The following SRL variants were observed in gnomAD, a reference collection of about 807,000 sequenced individuals.
SRL encodes sarcalumenin.
A neutral mutation model predicts 39.5 loss-of-function variants in SRL; 23 were observed. The observed-to-expected ratio is 0.58, with a 90% CI of 0.42 to 0.82. The LOEUF (loss-of-function observed/expected upper bound fraction) is 0.82. SRL is among the 40% of genes least tolerant of loss of function. The probability of loss-of-function intolerance (pLI) is 0.00; values close to 1 mark genes in which losing one functional copy is unlikely to be tolerated. For missense variants in SRL, 592 were observed against 607.8 expected, an observed-to-expected ratio of 0.97 and a Z score of 0.27; for synonymous variants, 272 against 237.4, an observed-to-expected ratio of 1.15 and a Z score of -1.34.
At chr16:4,230,681 C>T (rs967241574) in intron 1 of SRL, among the ~76,000 whole-genome samples, 1 of 152,020 alleles carries the variant, frequency 6.6e-6, no homozygotes, top group African/African-American at 2.4e-5. Flanking sequence ...AGCCACCACA[C>T]CCAGGAAGAA....
intron 1 of SRL, among the ~76,000 whole-genome samples, chr16:4,218,775 T>G (rs536051849): frequency 1.3e-3 from 197 of 152,292 alleles, no homozygotes; most frequent in African/African-American, 4.5e-3. Flanking sequence ...CTCCTACAAC[T>G]GCCAGGAAGA....
At chr16:4,226,198 CTAA>C (rs2052586255) in intron 1 of SRL, among the ~76,000 whole-genome samples, 2 of 152,214 alleles carry the variant, frequency 1.3e-5, no homozygotes, top group African/African-American at 4.8e-5. Context: ...CTACCACCTT[CTAA>C]TAATCTACAT....
chr16:4,221,829 T>C (rs2052534376), intron 1 of SRL, among the ~76,000 whole-genome samples: 1 of 152,178 alleles, frequency 6.6e-6, no homozygotes, highest in Non-Finnish European at 1.5e-5. Flanking sequence ...TTCTGGTGTT[T>C]GCCAGCAACT....
chr16:4,240,762 G>A (rs921565352), intron 1 of SRL, among the ~76,000 whole-genome samples: 2 of 152,160 alleles, frequency 1.3e-5, no homozygotes, highest in Non-Finnish European at 2.9e-5. Flanking sequence ...GCACAGGAGC[G>A]GCCACGAAGG....
chr16:4,238,165 T>G (rs575907535), intron 1 of SRL, among the ~76,000 whole-genome samples: 1 of 152,226 alleles, frequency 6.6e-6, no homozygotes, highest in Non-Finnish European at 1.5e-5. Flanking sequence ...TATGCTGCGA[T>G]GAGGCCTGGA....
rs201156612 is a variant in SRL at position 4,203,261 on chromosome 16, G to A, written c.164C>T (p.Ala55Val). ...NEDKPSDDYS[A>V]VLQRLRKIYH... ...GATCTTCCGAAGCCGCTGCAGCACC[G>A]CTGGAGACAGAGAGGGCCGGGGGAA... The change falls in exon 3 of 6, where the codon GCG (alanine) becomes GTG (valine). Residue 55 changes from alanine (A) to valine (V), a missense_variant and splice_region_variant. Transcript: ENST00000399609. 33 of 1,613,626 alleles carry A rather than the reference G, an allele frequency of 2.0e-5. No homozygotes were observed. The East Asian group carries it at 3.3e-4, about 16-fold the overall frequency.
intron 1 of SRL, chr16:4,207,729 G>A (rs867149365): frequency 4.1e-5 from 17 of 414,142 alleles, no homozygotes; most frequent in Middle Eastern, 3.5e-4. Flanking sequence ...ACTGGGCTCC[G>A]GCCACTCCTC....
intron 1 of SRL, among the ~76,000 whole-genome samples, chr16:4,209,109 C>G (rs1009137311): frequency 2.0e-5 from 3 of 152,196 alleles, no homozygotes; most frequent in African/African-American, 7.2e-5. Context: ...CCCATCTCTA[C>G]TAAAAATATG....
At chr16:4,224,259 A>G (rs1365506767) in intron 1 of SRL, among the ~76,000 whole-genome samples, 8 of 152,204 alleles carry the variant, frequency 5.3e-5, no homozygotes, top group Non-Finnish European at 4.4e-5. Flanking sequence ...CATTAGTAAT[A>G]AAACAGAAGA....
At chr16:4,221,043 C>G (rs561161734) in intron 1 of SRL, among the ~76,000 whole-genome samples, 4 of 148,098 alleles carry the variant, frequency 2.7e-5, no homozygotes, top group African/African-American at 9.9e-5. Flanking sequence ...GGACCATGGG[C>G]TATTCCATTA....
intron 1 of SRL, among the ~76,000 whole-genome samples, chr16:4,229,326 C>G (rs1046412277): frequency 8.6e-5 from 13 of 152,040 alleles, no homozygotes; most frequent in African/African-American, 3.1e-4. Flanking sequence ...GACCTGTAGT[C>G]CCAGCTACTT....
In SRL at chr16:4,192,200, T is replaced by C. The variant is rs375129285; in HGVS notation, c.1375A>G (p.Lys459Glu). Residue 459 changes from lysine (K) to glutamate (E), a missense_variant, in exon 6 of 6, where the codon AAA (lysine) becomes GAA (glutamate). By Grantham distance (56) the Lys-to-Glu change is moderately conservative (BLOSUM62 1). Transcript: ENST00000399609. This position sits in a 1 kb window ranked among gnomAD's most constrained non-coding sequence, Gnocchi z 4.0. ...TTTGGTGTTTCGCTACACCCTGTTT[T>C]GTCACAGTTGAGAGCACCTGGATTC... ...GKNPGALNCD[K>E]TGCSETPKNR... 1.9e-6 allele frequency: 3 copies of C among 1,585,512 alleles called. No homozygotes were observed. Among genetic ancestry groups the C allele is most frequent in the African/African-American group, 2.7e-5 (2 of 73,712 alleles).
intron 1 of SRL, among the ~76,000 whole-genome samples, chr16:4,239,337 G>A (rs2052746781): frequency 6.6e-6 from 1 of 152,192 alleles, no homozygotes; most frequent in African/African-American, 2.4e-5. Context: ...GTGGGGCCAG[G>A]GCAGATGGGC....
At chr16:4,240,823 C>T (rs919568936) in intron 1 of SRL, among the ~76,000 whole-genome samples, 2 of 152,262 alleles carry the variant, frequency 1.3e-5, no homozygotes, top group Admixed American at 1.3e-4. Context: ...CGGCTGTTTC[C>T]ATACTTAGCC....
intron 1 of SRL, among the ~76,000 whole-genome samples, chr16:4,220,494 G>C (rs1001220409): frequency 6.6e-6 from 1 of 151,740 alleles, no homozygotes; most frequent in East Asian, 1.9e-4. Flanking sequence ...GAGCAGCCTT[G>C]CTAGAGCCTC....
At chr16:4,207,993 T>A (rs1383961947) in intron 1 of SRL, 3 of 456,736 alleles carry the variant, frequency 6.6e-6, no homozygotes, top group East Asian at 1.4e-4. Context: ...AGGGGCTGTG[T>A]CTGCATAAAG....
intron 1 of SRL, among the ~76,000 whole-genome samples, chr16:4,231,036 G>C (rs546267362): frequency 6.6e-6 from 1 of 152,184 alleles, no homozygotes; most frequent in Non-Finnish European, 1.5e-5. Context: ...CTGTGGTTTT[G>C]GCCAGGCACT....
At chr16:4,229,313 G>A (rs2052633339) in intron 1 of SRL, among the ~76,000 whole-genome samples, 1 of 152,028 alleles carries the variant, frequency 6.6e-6, no homozygotes, top group African/African-American at 2.4e-5. Flanking sequence ...GCGTGGTGGT[G>A]GGGACCTGTA....
At chr16:4,199,965 G>A (rs996829760) in intron 3 of SRL, among the ~76,000 whole-genome samples, 1 of 151,416 alleles carries the variant, frequency 6.6e-6, no homozygotes, top group African/African-American at 2.5e-5. Context: ...CCAAAGTGCT[G>A]GGATTACAGG....
Sources: allele counts gnomAD v4.1 joint callset (sites outside exome capture counted in the v4.1 genomes callset), GRCh38; gene constraint gnomAD v4.1.1; non-coding constraint Gnocchi (gnomAD v3.1); transcripts MANE v1.5; gene names NCBI Gene and HGNC (gene_info 2026-07-23, HGNC 2026-07-21).